SNTG2: variants seen among roughly 807,000 people sequenced by gnomAD.
SNTG2 encodes gamma-2-syntrophin.
A neutral mutation model predicts 70.9 loss-of-function variants in SNTG2; 74 were observed. The ratio of observed to expected loss-of-function variants is 1.04; its 90% CI spans 0.86 to 1.27. The LOEUF is 1.27. Ranked by LOEUF, SNTG2 falls within the 50% of genes most tolerant of loss-of-function variation. The pLI, the probability that SNTG2 is intolerant of heterozygous loss-of-function variation, is 0.00. For missense variants in SNTG2, 717 were observed against 690.7 expected (o/e 1.04, Z -0.43); for synonymous variants, 278 against 273.8 (o/e 1.02, Z -0.15).
At chr2:1,183,153 C>T (rs1672026773) in intron 8 of SNTG2, among the ~76,000 whole-genome samples, 3 of 152,154 alleles carry the variant, frequency 2.0e-5, no homozygotes, top group Admixed American at 2.0e-4. Context: ...TTTGTTTGCT[C>T]AATATTATGA....
intron 6 of SNTG2, among the ~76,000 whole-genome samples, chr2:1,147,791 A>T (rs4998208): frequency 1.3e-5 from 2 of 151,834 alleles, no homozygotes; most frequent in Admixed American, 6.6e-5. Context: ...GTTGTGTGGC[A>T]TGAAATGCGG....
intron 1 of SNTG2, among the ~76,000 whole-genome samples, chr2:1,046,770 T>G (rs1441605026): frequency 6.6e-6 from 1 of 152,102 alleles, no homozygotes; most frequent in African/African-American, 2.4e-5. Context: ...CTTCCTCTTC[T>G]CTCTCTCTGT....
intron 1 of SNTG2, among the ~76,000 whole-genome samples, chr2:1,069,450 G>A (rs1663373881): frequency 6.6e-6 from 1 of 150,932 alleles, no homozygotes; most frequent in Non-Finnish European, 1.5e-5. Context: ...AATGCACGTG[G>A]ATTATGGAAC....
intron 8 of SNTG2, among the ~76,000 whole-genome samples, chr2:1,185,713 G>A (rs1334943348): frequency 6.6e-6 from 1 of 152,196 alleles, no homozygotes; most frequent in Non-Finnish European, 1.5e-5. Flanking sequence ...ATTGCACAGG[G>A]CAGCAGGGCC....
chr2:1,132,049 A>G (rs1668052058), intron 4 of SNTG2, among the ~76,000 whole-genome samples: 1 of 152,178 alleles, frequency 6.6e-6, no homozygotes, highest in South Asian at 2.1e-4. Flanking sequence ...ACTATCAAAT[A>G]CACATTCTCA....
At position 966,963 on chromosome 2, in the gene SNTG2, AAAC is replaced by A. The variant is rs539023744; in HGVS notation, c.72+15898_72+15900del. On this transcript the variant is annotated intron_variant, in intron 1 of 16. Transcript: ENST00000308624. ...CTCTGTCTCAAACAAACAAACAAAC[AAAC>A]AAAAAAACAAATAATAGTTTAATGG... 5.2e-3 allele frequency among the ~76,000 whole-genome samples: 680 copies of A among 131,118 alleles called. 12 individuals carry two copies. Among genetic ancestry groups the A allele is most frequent in the African/African-American group, 0.017 (543 of 32,442 alleles). The allele number at this position is 131,118 out of a possible 152,430, so 86.0% of individuals were successfully genotyped here. A position where few individuals can be genotyped will look rare whatever the true frequency, so the allele number is the denominator to read the frequency against.
chr2:1,275,164 G>C (rs558937763), intron 14 of SNTG2, among the ~76,000 whole-genome samples: 2 of 152,298 alleles, frequency 1.3e-5, no homozygotes, highest in East Asian at 3.9e-4. Flanking sequence ...CCACCAGGGC[G>C]GAGCCATCAT....
intron 9 of SNTG2, among the ~76,000 whole-genome samples, chr2:1,224,201 T>C (rs1675597705): frequency 6.6e-6 from 1 of 152,184 alleles, no homozygotes; most frequent in South Asian, 2.1e-4. Flanking sequence ...GGCTAGGATT[T>C]CAACACTGAA....
intron 12 of SNTG2, among the ~76,000 whole-genome samples, chr2:1,257,798 G>C (rs1191951577): frequency 6.6e-6 from 1 of 152,214 alleles, no homozygotes; most frequent in Non-Finnish European, 1.5e-5. Flanking sequence ...CTAAGCTGTA[G>C]TTACAGTTGT....
chr2:1,314,880 C>G (rs547088721), intron 15 of SNTG2, among the ~76,000 whole-genome samples: 117 of 152,208 alleles, frequency 7.7e-4, no homozygotes, highest in African/African-American at 2.5e-3. Context: ...ACCATCAGAT[C>G]ATGTGAGACT....
chr2:1,172,660 C>T (rs545427378), intron 7 of SNTG2, among the ~76,000 whole-genome samples: 1 of 152,306 alleles, frequency 6.6e-6, no homozygotes, highest in South Asian at 2.1e-4. Context: ...GTGCTAAGTG[C>T]TTTGAGTGTG....
At chr2:1,179,504 T>A (rs2147903810) in intron 8 of SNTG2, among the ~76,000 whole-genome samples, 1 of 152,166 alleles carries the variant, frequency 6.6e-6, no homozygotes, top group South Asian at 2.1e-4. Flanking sequence ...GAATCCAACT[T>A]ACAAGGGATG....
chr2:1,155,123 A>C (rs142497742), intron 6 of SNTG2, among the ~76,000 whole-genome samples: 2 of 148,884 alleles, frequency 1.3e-5, no homozygotes, highest in Non-Finnish European at 3.0e-5. Flanking sequence ...CCACATATAC[A>C]TACAACACAA....
At chr2:1,252,843 C>T (rs538342667) in intron 12 of SNTG2, among the ~76,000 whole-genome samples, 1 of 152,150 alleles carries the variant, frequency 6.6e-6, no homozygotes, top group African/African-American at 2.4e-5. Context: ...TATTAGTATT[C>T]ACCAACTTCT....
chr2:1,066,840 G>C (rs561862814), intron 1 of SNTG2, among the ~76,000 whole-genome samples: 1 of 152,078 alleles, frequency 6.6e-6, no homozygotes, highest in Admixed American at 6.5e-5. Flanking sequence ...GCAGCTTCTC[G>C]TGTGGTTGTA....
chr2:1,039,213 A>G (rs1456382218), intron 1 of SNTG2, among the ~76,000 whole-genome samples: 1 of 152,240 alleles, frequency 6.6e-6, no homozygotes, highest in East Asian at 1.9e-4. Flanking sequence ...GATTTTTAGT[A>G]ATGATAAATA....
chr2:1,366,236 C>T (rs1220423839), intron 16 of SNTG2, among the ~76,000 whole-genome samples: 1 of 152,136 alleles, frequency 6.6e-6, no homozygotes, highest in Non-Finnish European at 1.5e-5. Flanking sequence ...AGAAAGACAA[C>T]ATTAGAAGAA....
chr2:1,306,683 TGA>T (rs1452020202), intron 14 of SNTG2, among the ~76,000 whole-genome samples: 1 of 106,228 alleles, frequency 9.4e-6, no homozygotes, highest in African/African-American at 3.7e-5. Flanking sequence ...GGCCAGGGTG[TGA>T]GTGTGTGTGT....
At chr2:1,319,979 A>T (rs2148269173) in intron 16 of SNTG2, among the ~76,000 whole-genome samples, 1 of 152,346 alleles carries the variant, frequency 6.6e-6, no homozygotes, top group African/African-American at 2.4e-5. Flanking sequence ...GGAACATTTT[A>T]TTATCTCAAT....
Sources: allele counts gnomAD v4.1 joint callset (sites outside exome capture counted in the v4.1 genomes callset), GRCh38; gene constraint gnomAD v4.1.1; transcripts MANE v1.5; gene names NCBI Gene and HGNC (gene_info 2026-07-23, HGNC 2026-07-21).